The following NRDC variants were observed in gnomAD, a reference collection of about 807,000 sequenced individuals.
NRDC encodes the protein nardilysin convertase, also known as nardilysin.
In NRDC, 54 loss-of-function variants were observed where a neutral mutation model predicts 147.1. The ratio of observed to expected loss-of-function variants is 0.37; its 90% CI spans 0.29 to 0.46. NRDC has a LOEUF of 0.46. Ranked by LOEUF, NRDC falls within the 20% of genes least tolerant of loss-of-function variation. NRDC has a pLI of 1.00. For synonymous variants in NRDC, 440 were observed against 482.1 expected (o/e 0.91, Z 1.14); for missense variants, 1,082 against 1,370.6 (o/e 0.79, Z 3.33).
chr1:51,801,890 C>G (rs1679224220), intron 20 of NRDC, among the ~76,000 whole-genome samples: 1 of 152,014 alleles, frequency 6.6e-6, no homozygotes, highest in Non-Finnish European at 1.5e-5. Context: ...CAGGGTCACA[C>G]CATTCTCCTG....
chr1:51,864,220 G>A (rs911593704), intron 1 of NRDC, among the ~76,000 whole-genome samples: 3 of 152,104 alleles, frequency 2.0e-5, no homozygotes, highest in Non-Finnish European at 4.4e-5. Flanking sequence ...ACTGCTATTA[G>A]TATTTCAATA....
Position 51,818,070 on chromosome 1 carries a change from A to G in NRDC, c.1357T>C (p.Tyr453His). 1 of 1,605,404 alleles carries G rather than the reference A, an allele frequency of 6.2e-7. No individual in the cohort carries two copies. The highest frequency in any genetic ancestry group is 8.5e-7 in the Non-Finnish European group (1 of 1,176,952). ...AATTTTCCCTTAAACTCTTACCTGT[A>G]ATGTTGCTGTTGAGGAGGAAGTGCC... ...TWALPPQQQH[Y>H]RVKPLHYISW... Residue 453 changes from tyrosine (Y) to histidine (H), a missense_variant, in exon 10 of 31, where the codon TAC becomes CAC. Physicochemically the swap from Tyr to His is moderately conservative, Grantham distance 83 (BLOSUM62 2). Around this residue, in one of 3 missense-constraint regions of NRDC, gnomAD observed 635 missense variants for 923.8 expected, o/e 0.69. Transcript: ENST00000352171.
chr1:51,813,901 G>A, intron 14 of NRDC, 134 bp downstream of exon 14: 1 of 648,826 alleles, frequency 1.5e-6, no homozygotes, highest in Non-Finnish European at 2.8e-6. Context: ...ATAGCTTCAA[G>A]GCCACCTGGA....
chr1:51,857,567 T>G (rs1264175695), intron 1 of NRDC, among the ~76,000 whole-genome samples: 2 of 152,208 alleles, frequency 1.3e-5, no homozygotes, highest in Non-Finnish European at 2.9e-5. Context: ...TGGAAGCAAC[T>G]GATATCGTGG....
intron 22 of NRDC, 88 bp from the exon 23 acceptor site, chr1:51,794,942 G>A (rs1678827128): frequency 5.6e-6 from 9 of 1,593,226 alleles, no homozygotes; most frequent in African/African-American, 2.7e-5. Context: ...CAATTGCTTG[G>A]GGAGCCCTGC....
chr1:51,819,368 C>T (rs1439223954), intron 9 of NRDC, among the ~76,000 whole-genome samples: 1 of 151,812 alleles, frequency 6.6e-6, no homozygotes, highest in Non-Finnish European at 1.5e-5. Context: ...GATTTATCTC[C>T]CATTTCTTGA....
chr1:51,845,974 G>C (rs1004861545), intron 1 of NRDC, among the ~76,000 whole-genome samples: 2 of 151,612 alleles, frequency 1.3e-5, no homozygotes, highest in Admixed American at 6.6e-5. Flanking sequence ...AAAAAAGAAA[G>C]CTATGTGTAC....
rs183436797 is a variant in NRDC, at chr1:51,836,177, G to A, written c.666C>T (p.Phe222=). The part of the protein sequence containing the change: ...AAALCVGVGS[F]ADPDDLPGLA... ...GCCCCGGCAGGTCATCTGGATCAGC[G>A]AAACTCCCAACTCCAACACAAAGAG... The change falls in exon 3 of 31, where the codon TTC becomes TTT. Residue 222 remains phenylalanine (F), a synonymous_variant. Transcript: ENST00000352171. 1.9e-3 allele frequency: 3,070 copies of A among 1,614,104 alleles called. 77 individuals are homozygous for A. In the Admixed American group the frequency reaches 0.047, roughly 25 times the overall value.
rs1571936938 is a variant in NRDC at position 51,878,660 on chromosome 1, A to C, written c.-45T>G. On this transcript the variant is annotated 5_prime_UTR_variant, in exon 1 of 31. Coordinates refer to ENST00000352171, the MANE Select transcript of NRDC (RefSeq NM_001101662.2). ...ATGGACATCCCGCTTCCCAGGACCC[A>C]CCTCCTCCGCGTTCTAGAGGCGGTG... 1 of 1,526,902 alleles carries C rather than the reference A, an allele frequency of 6.5e-7. No individual in the cohort carries two copies. The highest frequency in any genetic ancestry group is 8.9e-7 in the Non-Finnish European group (1 of 1,124,440). The allele number at this position is 1,526,902 out of a possible 1,614,324, so 94.6% of individuals were successfully genotyped here. A position where few individuals can be genotyped will look rare whatever the true frequency, so the allele number is the denominator to read the frequency against.
At chr1:51,854,383 A>C (rs1260067499) in intron 1 of NRDC, among the ~76,000 whole-genome samples, 2 of 152,186 alleles carry the variant, frequency 1.3e-5, no homozygotes, top group Non-Finnish European at 2.9e-5. Flanking sequence ...AATAAAGAAA[A>C]GAAACTTAAT....
chr1:51,819,931 C>T, intron 8 of NRDC, 58 bp from the exon 9 acceptor site: 1 of 1,240,720 alleles, frequency 8.1e-7, no homozygotes, highest in Non-Finnish European at 1.2e-6. Flanking sequence ...TAAGCAATAT[C>T]TTTAGGGATA....
At chr1:51,823,472 G>T (rs1269346157) in intron 7 of NRDC, among the ~76,000 whole-genome samples, 192 bp downstream of exon 7, 1 of 152,156 alleles carries the variant, frequency 6.6e-6, no homozygotes, top group African/African-American at 2.4e-5. Flanking sequence ...ATTTGCCTGA[G>T]AATCTCATCA....
chr1:51,805,428 T>C, intron 19 of NRDC, 82 bp downstream of exon 19: 2 of 1,091,954 alleles, frequency 1.8e-6, no homozygotes, highest in East Asian at 2.6e-5. Flanking sequence ...ATAGAGAAAA[T>C]GACAGAATGA....
chr1:51,846,734 A>G (rs1358476536), intron 1 of NRDC, among the ~76,000 whole-genome samples: 1 of 152,246 alleles, frequency 6.6e-6, no homozygotes. Context: ...ACTCGACCCA[A>G]GTGGGTTATC....
At chr1:51,807,522 C>G (rs1387293075) in intron 17 of NRDC, among the ~76,000 whole-genome samples, 1 of 152,102 alleles carries the variant, frequency 6.6e-6, no homozygotes, top group African/African-American at 2.4e-5. Context: ...GCCTGGGCAA[C>G]ATAGAGAGAC....
In NRDC at chr1:51,794,859, G is replaced by C. The variant is rs759731412; in HGVS notation, c.2605-5C>G. 6.8e-6 allele frequency: 11 copies of C among 1,613,738 alleles called. No homozygotes were observed. The South Asian group carries it at 1.1e-4, about 16-fold the overall frequency. Reference sequence around the variant, plus strand: ...TTTCAGGAAATCCATAGATTCCTAAGAGGCAAAAGAGAATAACTACATTAA... The same window carrying C: ...TTTCAGGAAATCCATAGATTCCTAACAGGCAAAAGAGAATAACTACATTAA... On this transcript the variant is annotated splice_polypyrimidine_tract_variant and splice_region_variant and intron_variant, in intron 22 of 30. Coordinates refer to ENST00000352171, the MANE Select transcript of NRDC (RefSeq NM_001101662.2).
chr1:51,878,123 A>G lies in NRDC; in HGVS notation c.341+152T>C, dbSNP rs1380751894. ...CAGCTGACACCACAGGGAAGCCTCT[A>G]ATCACGCTTGCCACCTCCACCCAAG... On this transcript the variant is annotated intron_variant, in intron 1 of 30. Transcript: ENST00000352171. 3 of 1,422,986 alleles carry G rather than the reference A, an allele frequency of 2.1e-6. No individual in the cohort carries two copies. In the African/African-American group the frequency reaches 4.3e-5, roughly 21 times the overall value. The allele number at this position is 1,422,986 out of a possible 1,614,324, so 88.1% of individuals were successfully genotyped here. A position where few individuals can be genotyped will look rare whatever the true frequency, so the allele number is the denominator to read the frequency against.
chr1:51,824,401 G>A (rs1156543982), intron 6 of NRDC, among the ~76,000 whole-genome samples: 2 of 152,112 alleles, frequency 1.3e-5, no homozygotes, highest in African/African-American at 2.4e-5. Flanking sequence ...TGGGATTACA[G>A]GCGTGAGCCA....
At chr1:51,810,842 T>C (rs1679683671) in intron 15 of NRDC, among the ~76,000 whole-genome samples, 1 of 152,236 alleles carries the variant, frequency 6.6e-6, no homozygotes, top group African/African-American at 2.4e-5. Context: ...TTAAAGATTA[T>C]GTAACTTGTA....
Sources: gnomAD v4.1 joint callset for allele counts (sites outside exome capture counted in the v4.1 genomes callset) on GRCh38, gnomAD v4.1.1 for gene constraint, gnomAD v4.1.1 regional missense constraint, MANE v1.5 for transcripts, NCBI Gene and HGNC (gene_info 2026-07-23, HGNC 2026-07-21) for gene names.